Variants in SUGCT observed in about 807,000 individuals in gnomAD.
SUGCT encodes the protein succinyl-CoA:glutarate-CoA transferase.
A neutral mutation model predicts 55.0 loss-of-function variants in SUGCT; 41 were observed. The observed-to-expected ratio is 0.74, with a 90% CI of 0.58 to 0.97. The LOEUF is 0.97. Among genes scored for constraint, SUGCT ranks in the 50% least tolerant of loss-of-function variants. The pLI is 0.00. For missense variants in SUGCT, 568 were observed against 547.8 expected, an observed-to-expected ratio of 1.04 and a Z score of -0.37; for synonymous variants, 187 against 200.4, an observed-to-expected ratio of 0.93 and a Z score of 0.56.
At chr7:40,187,990 C>A (rs1377545340) in intron 3 of SUGCT, among the ~76,000 whole-genome samples, 4 of 149,356 alleles carry the variant, frequency 2.7e-5, no homozygotes, top group Non-Finnish European at 5.9e-5. Context: ...TATGGTGAAA[C>A]CCTGTCTCTA....
intron 12 of SUGCT, among the ~76,000 whole-genome samples, chr7:40,535,404 C>A (rs1422863921): frequency 6.6e-6 from 1 of 152,150 alleles, no homozygotes; most frequent in Non-Finnish European, 1.5e-5. Flanking sequence ...AGAGAACATG[C>A]AGTATTTGGT....
At chr7:40,897,975 G>T in the SUGCT span, among the ~76,000 whole-genome samples, 12 of 152,150 alleles carry the variant, frequency 7.9e-5, no homozygotes, top group Non-Finnish European at 1.5e-4. Flanking sequence ...GGCCACCTGC[G>T]CCAACAGTGG....
chr7:40,522,845 G>T (rs1451963503), intron 12 of SUGCT, among the ~76,000 whole-genome samples: 2 of 152,004 alleles, frequency 1.3e-5, no homozygotes, highest in African/African-American at 4.8e-5. Context: ...AGGGTTTCAC[G>T]CTGCTATTAT....
At chr7:40,993,453 T>C in the SUGCT span, among the ~76,000 whole-genome samples, 1 of 152,200 alleles carries the variant, frequency 6.6e-6, no homozygotes, top group Non-Finnish European at 1.5e-5. Context: ...GGTAGAATCC[T>C]GGCCAAAGCC....
At chr7:40,646,034 A>G (rs1800489050) in intron 12 of SUGCT, among the ~76,000 whole-genome samples, 1 of 152,108 alleles carries the variant, frequency 6.6e-6, no homozygotes, top group South Asian at 2.1e-4. Flanking sequence ...CATCTTCACC[A>G]CTACCAGATA....
chr7:40,511,437 T>A (rs1228213669), intron 12 of SUGCT, among the ~76,000 whole-genome samples: 1 of 152,160 alleles, frequency 6.6e-6, no homozygotes, highest in Non-Finnish European at 1.5e-5. Context: ...CTAGATTGCC[T>A]CCTAACCCAG....
chr7:40,471,938 A>G (rs1482409250), intron 11 of SUGCT, among the ~76,000 whole-genome samples: 1 of 152,144 alleles, frequency 6.6e-6, no homozygotes, highest in Non-Finnish European at 1.5e-5. Flanking sequence ...GTAAGGTCAA[A>G]TTCATGTATG....
chr7:40,714,156 C>T (rs1785883991), intron 12 of SUGCT, among the ~76,000 whole-genome samples: 1 of 151,928 alleles, frequency 6.6e-6, no homozygotes, highest in Admixed American at 6.6e-5. Context: ...ATGATGAAAC[C>T]CTGTCTCTAC....
intron 13 of SUGCT, among the ~76,000 whole-genome samples, chr7:40,850,884 A>G (rs1246937933): frequency 6.6e-6 from 1 of 152,218 alleles, no homozygotes; most frequent in Non-Finnish European, 1.5e-5. Context: ...TCAAAGCTCA[A>G]TGAGAGGTAT....
At chr7:40,747,969 G>A (rs927142925) in intron 12 of SUGCT, among the ~76,000 whole-genome samples, 6 of 152,184 alleles carry the variant, frequency 3.9e-5, no homozygotes, top group South Asian at 4.2e-4. Flanking sequence ...TCCAGCCTTC[G>A]TTTGCCAGGG....
At chr7:40,533,689 T>C (rs1335602822) in intron 12 of SUGCT, among the ~76,000 whole-genome samples, 1 of 152,144 alleles carries the variant, frequency 6.6e-6, no homozygotes, top group Non-Finnish European at 1.5e-5. Context: ...AAAATAGTAT[T>C]ACCTACTTGA....
intron 12 of SUGCT, among the ~76,000 whole-genome samples, chr7:40,505,135 AT>A (rs1368842945): frequency 2.0e-5 from 3 of 151,844 alleles, no homozygotes; most frequent in African/African-American, 7.3e-5. Context: ...TTCTAGTAAC[AT>A]TTTTGTTTTA....
intron 3 of SUGCT, among the ~76,000 whole-genome samples, chr7:40,184,678 A>G (rs927693098): frequency 6.6e-6 from 1 of 152,060 alleles, no homozygotes; most frequent in African/African-American, 2.4e-5. Flanking sequence ...TAGCATTATT[A>G]TTTATGTTTC....
chr7:40,597,436 A>G (rs1798069531), intron 12 of SUGCT, among the ~76,000 whole-genome samples: 1 of 152,200 alleles, frequency 6.6e-6, no homozygotes, highest in Non-Finnish European at 1.5e-5. Context: ...TATTGTAACA[A>G]GTGTGATCTA....
downstream of SUGCT, among the ~76,000 whole-genome samples, chr7:40,863,289 C>T (rs1410104165): frequency 6.6e-6 from 1 of 152,146 alleles, no homozygotes; most frequent in African/African-American, 2.4e-5. Context: ...GGCTGGATAG[C>T]ACCACAAGGC....
chr7:40,899,362 A>G, the SUGCT span, among the ~76,000 whole-genome samples: 2 of 152,116 alleles, frequency 1.3e-5, no homozygotes, highest in African/African-American at 4.8e-5. Context: ...GTGGCTATAA[A>G]TACGCCCTGT....
chr7:40,981,755 T>G, the SUGCT span, among the ~76,000 whole-genome samples: 1 of 152,240 alleles, frequency 6.6e-6, no homozygotes, highest in African/African-American at 2.4e-5. Flanking sequence ...CCAACAAGGT[T>G]CTTTGCCATT....
At chr7:40,850,716 T>G (rs902275311) in intron 13 of SUGCT, among the ~76,000 whole-genome samples, 1 of 152,210 alleles carries the variant, frequency 6.6e-6, no homozygotes, top group Non-Finnish European at 1.5e-5. Flanking sequence ...AAATGGTTGA[T>G]TCCTTCCTTC....
the SUGCT span, among the ~76,000 whole-genome samples, chr7:40,940,041 T>C: frequency 6.6e-6 from 1 of 152,118 alleles, no homozygotes; most frequent in Non-Finnish European, 1.5e-5. Flanking sequence ...CCAACTTGAG[T>C]TGATTTTTGT....
Sources: allele counts gnomAD v4.1 joint callset (sites outside exome capture counted in the v4.1 genomes callset), GRCh38; gene constraint gnomAD v4.1.1; transcripts MANE v1.5; gene names NCBI Gene and HGNC (gene_info 2026-07-23, HGNC 2026-07-21).